FRMD6: variants seen among roughly 807,000 people sequenced by gnomAD.
The protein encoded by FRMD6 is FERM domain-containing protein 6.
A neutral mutation model predicts 73.2 loss-of-function variants in FRMD6; 37 were observed. That is an observed-to-expected ratio of 0.51 (90% CI 0.39 to 0.66). The LOEUF (loss-of-function observed/expected upper bound fraction) is 0.66, where lower values mean the gene tolerates loss of function less well. Among genes scored for constraint, FRMD6 ranks in the 30% least tolerant of loss-of-function variants. The probability of loss-of-function intolerance (pLI) is 0.00; values close to 1 mark genes in which losing one functional copy is unlikely to be tolerated. For missense variants in FRMD6, 714 were observed against 780.5 expected, an observed-to-expected ratio of 0.91 and a Z score of 1.02; for synonymous variants, 273 against 282.2, an observed-to-expected ratio of 0.97 and a Z score of 0.33.
the FRMD6 span, among the ~76,000 whole-genome samples, chr14:51,453,945 CA>C: frequency 6.6e-6 from 1 of 152,152 alleles, no homozygotes; most frequent in East Asian, 1.9e-4. Context: ...ATTCAAAGCC[CA>C]CTGGAGACAC....
At chr14:51,456,642 G>A in the FRMD6 span, among the ~76,000 whole-genome samples, 2 of 151,966 alleles carry the variant, frequency 1.3e-5, no homozygotes, top group Non-Finnish European at 2.9e-5. Context: ...AGAAGTGTCT[G>A]TTCATATCCA....
chr14:51,521,545 G>A (rs1206551310), intron 1 of FRMD6, among the ~76,000 whole-genome samples: 5 of 151,504 alleles, frequency 3.3e-5, no homozygotes, highest in Non-Finnish European at 5.9e-5. Context: ...GTAGAGAACA[G>A]TAAAGAATGT....
chr14:51,665,680 G>T (rs1020685457), intron 1 of FRMD6, among the ~76,000 whole-genome samples: 2 of 152,110 alleles, frequency 1.3e-5, no homozygotes, highest in African/African-American at 4.8e-5. Context: ...TAATGGTTTG[G>T]CTGCGTCCCC....
the FRMD6 span, among the ~76,000 whole-genome samples, chr14:51,433,635 AG>A: frequency 6.6e-6 from 1 of 152,248 alleles, no homozygotes; most frequent in Non-Finnish European, 1.5e-5. Context: ...AGAAAAAATA[AG>A]CCAGGAGTAA....
intron 1 of FRMD6, among the ~76,000 whole-genome samples, chr14:51,543,469 A>C (rs1383441606): frequency 2.0e-5 from 3 of 152,010 alleles, no homozygotes; most frequent in Non-Finnish European, 4.4e-5. Context: ...TTATAGTTTC[A>C]TTGGTCTAAG....
At chr14:51,642,546 T>C (rs139271943) in intron 2 of FRMD6, among the ~76,000 whole-genome samples, 31 of 152,090 alleles carry the variant, frequency 2.0e-4, no homozygotes, top group Middle Eastern at 3.4e-3. Flanking sequence ...CCTAAGTAAA[T>C]AAATAAATAA....
At chr14:51,586,175 G>A (rs1417373473) in intron 2 of FRMD6, among the ~76,000 whole-genome samples, 6 of 151,594 alleles carry the variant, frequency 4.0e-5, no homozygotes, top group African/African-American at 1.5e-4. Context: ...TTCTACAAAG[G>A]TTGTACTAAT....
chr14:51,599,321 C>T (rs1218062498), intron 2 of FRMD6, among the ~76,000 whole-genome samples: 2 of 152,010 alleles, frequency 1.3e-5, no homozygotes, highest in African/African-American at 2.4e-5. Flanking sequence ...CCCTCCCTTT[C>T]ACCATATACA....
intron 1 of FRMD6, among the ~76,000 whole-genome samples, chr14:51,675,408 TTAGGA>T (rs1043506836): frequency 7.4e-4 from 113 of 152,032 alleles, no homozygotes; most frequent in African/African-American, 2.6e-3. Context: ...GAAGGCTTTG[TTAGGA>T]TAGAAGTGTC....
upstream of FRMD6, chr14:51,651,479 C>A (rs903313966): frequency 2.6e-5 from 4 of 152,184 alleles, no homozygotes; most frequent in African/African-American, 7.2e-5. Context: ...CCGAGGGAGT[C>A]CAGCCGGAGG....
the FRMD6 span, among the ~76,000 whole-genome samples, chr14:51,422,230 G>T: frequency 6.6e-6 from 1 of 152,042 alleles, no homozygotes; most frequent in African/African-American, 2.4e-5. Context: ...TCACAAAATG[G>T]CCTTTGAAAA....
intron 1 of FRMD6, among the ~76,000 whole-genome samples, chr14:51,656,801 T>G (rs1892868107): frequency 6.6e-6 from 1 of 152,230 alleles, no homozygotes; most frequent in Admixed American, 6.5e-5. Flanking sequence ...AGGTAGAGAT[T>G]TGGTCATTAT....
chr14:51,524,639 C>A (rs760550882), intron 1 of FRMD6, among the ~76,000 whole-genome samples: 2 of 152,070 alleles, frequency 1.3e-5, no homozygotes, highest in African/African-American at 4.8e-5. Context: ...GCCCCCTAAA[C>A]AAGAATAGGT....
chr14:51,696,765 A>G (rs865774300), intron 2 of FRMD6, among the ~76,000 whole-genome samples: 2 of 150,524 alleles, frequency 1.3e-5, no homozygotes, highest in African/African-American at 4.9e-5. Flanking sequence ...AAAAAAAAAA[A>G]GTCGATTGAG....
In FRMD6 at chr14:51,728,529, G is replaced by GCTGT. The variant is rs1330671999; in HGVS notation, c.*502_*505dup. ...GTATACCCATTGCTTCCTCCCTGAG[G>GCTGT]CTGTCCCAAAGTGAACACTGATGGA... On this transcript the variant is annotated 3_prime_UTR_variant, in exon 14 of 14. Coordinates refer to ENST00000344768, the MANE Select transcript of FRMD6 (RefSeq NM_001267046.2). The GCTGT allele has an allele frequency of 1.9e-5, 3 of 161,544 alleles. No individual in the cohort carries two copies. Among genetic ancestry groups the GCTGT allele is most frequent in the African/African-American group, 7.2e-5 (3 of 41,492 alleles). The allele number at this position is 161,544 out of a possible 1,614,324, so 10.0% of individuals were successfully genotyped here. A position where few individuals can be genotyped will look rare whatever the true frequency, so the allele number is the denominator to read the frequency against.
At chr14:51,403,900 G>T in the FRMD6 span, among the ~76,000 whole-genome samples, 4 of 151,998 alleles carry the variant, frequency 2.6e-5, no homozygotes, top group Non-Finnish European at 4.4e-5. Flanking sequence ...ATTCTTGCGT[G>T]GGTCTTCTGG....
chr14:51,481,296 G>A, the FRMD6 span, among the ~76,000 whole-genome samples: 1 of 152,120 alleles, frequency 6.6e-6, no homozygotes, highest in African/African-American at 2.4e-5. Context: ...TACATGGCTG[G>A]GGAGGCCTCA....
intron 2 of FRMD6, among the ~76,000 whole-genome samples, chr14:51,610,530 G>A (rs1890450300): frequency 6.6e-6 from 1 of 151,992 alleles, no homozygotes; most frequent in African/African-American, 2.4e-5. Context: ...GTTAAAAATG[G>A]GAAAAGATTA....
rs188665623 is a variant in FRMD6, at chr14:51,614,230, T to G, written c.-147+43820T>G. On this transcript the variant is annotated intron_variant, in intron 2 of 14. Transcript: ENST00000356218. ...GTTGGTTGGTTTTTTTGTTTTTTTG[T>G]TTTTTTTGCCTGATTCTAGAAATAG... 7.4e-3 allele frequency among the ~76,000 whole-genome samples: 1,122 copies of G among 151,696 alleles called. 13 individuals are homozygous for G. Among genetic ancestry groups the G allele is most frequent in the Non-Finnish European group, 0.012 (838 of 67,920 alleles).
Sources: gnomAD v4.1 joint callset for allele counts (sites outside exome capture counted in the v4.1 genomes callset) on GRCh38, gnomAD v4.1.1 for gene constraint, MANE v1.5 for transcripts, NCBI Gene and HGNC (gene_info 2026-07-23, HGNC 2026-07-21) for gene names.